Variants in TRIM36 observed in about 807,000 individuals in gnomAD.
TRIM36 encodes tripartite motif containing 36, also known as E3 ubiquitin-protein ligase TRIM36.
A neutral mutation model predicts 72.4 loss-of-function variants in TRIM36; 42 were observed. The observed-to-expected ratio is 0.58, with a 90% confidence interval of 0.45 to 0.75. TRIM36 has a LOEUF of 0.75. TRIM36 is among the 30% of genes least tolerant of loss of function. The pLI, the probability that TRIM36 is intolerant of heterozygous loss-of-function variation, is 0.00. For synonymous variants in TRIM36, 315 were observed against 282.8 expected (o/e 1.11, Z -1.14); for missense variants, 913 against 857.1 (o/e 1.07, Z -0.81).
At chr5:115,177,430 A>T in intron 1 of TRIM36, 1 of 883,534 alleles carries the variant, frequency 1.1e-6, no homozygotes, top group Non-Finnish European at 1.4e-6. Flanking sequence ...CTACTCTCTT[A>T]ACTCTCATAA....
At chr5:115,144,328 T>C (rs1404769998) in intron 4 of TRIM36, among the ~76,000 whole-genome samples, 2 of 152,192 alleles carry the variant, frequency 1.3e-5, no homozygotes, top group African/African-American at 4.8e-5. Context: ...CATTTGGGTA[T>C]CATGATGAAG....
At chr5:115,145,088 G>C (rs1282735412) in intron 3 of TRIM36, among the ~76,000 whole-genome samples, 1 of 152,116 alleles carries the variant, frequency 6.6e-6, no homozygotes, top group Non-Finnish European at 1.5e-5. Flanking sequence ...ACTTAACCAA[G>C]TTAGAAAGGC....
At chr5:115,127,491 G>A (rs940243654) in intron 9 of TRIM36, among the ~76,000 whole-genome samples, 1 of 152,342 alleles carries the variant, frequency 6.6e-6, no homozygotes, top group East Asian at 1.9e-4. Context: ...AACCCAGGAA[G>A]CAGAAGTTGC....
Position 115,163,616 on chromosome 5 carries a change from G to C in TRIM36, c.164C>G (p.Ser55Ter), listed in dbSNP as rs894385268. 1 of 1,614,048 alleles carries C rather than the reference G, an allele frequency of 6.2e-7. No individual in the cohort carries two copies. Among genetic ancestry groups the C allele is most frequent in the African/African-American group, 1.3e-5 (1 of 74,912 alleles). ...GTTGTCTGATCCCACATCGTTGAAT[G>C]AATCATCGAGAGTCAGCAGGAGTTC... is the stretch of plus-strand genomic sequence containing the variant. ...VKELLLTLDD[S>*]FNDVGSDNSN... is the part of the protein sequence containing the mutation. Residue 55 changes from serine (S) to a stop codon, truncating the protein, a stop_gained, in exon 2 of 10, where the codon TCA (serine) becomes TGA (stop). Coordinates refer to ENST00000513154, the MANE Select transcript of TRIM36 (RefSeq NM_001300759.2). LOFTEE classifies it high-confidence loss of function.
rs762451393 is a variant in TRIM36 at position 115,126,571 on chromosome 5, C to T, written c.2083G>A (p.Gly695Ser). ...TCTTCAAGCTGAATTCCTCCACTGC[C>T]CATTAATGCAAATGCTGGATACAGT... The part of the protein sequence containing the change: ...HTLYPAFALM[G>S]SGGIQLEEPI... Residue 695 changes from glycine to serine, a missense_variant, in exon 10 of 10, where the codon GGC (glycine) becomes AGC (serine). Coordinates refer to ENST00000513154, the MANE Select transcript of TRIM36 (RefSeq NM_001300759.2). 6.2e-7 allele frequency: 1 copy of T among 1,613,848 alleles called. No homozygotes were observed. Among genetic ancestry groups the T allele is most frequent in the East Asian group, 2.2e-5 (1 of 44,870 alleles).
intron 9 of TRIM36, among the ~76,000 whole-genome samples, chr5:115,130,272 A>T (rs1752604606): frequency 6.6e-6 from 1 of 152,246 alleles, no homozygotes; most frequent in Non-Finnish European, 1.5e-5. Flanking sequence ...TGACAATCAG[A>T]CGCATTGTAT....
chr5:115,128,425 G>T (rs970765250), intron 9 of TRIM36, among the ~76,000 whole-genome samples: 5 of 151,600 alleles, frequency 3.3e-5, no homozygotes, highest in Non-Finnish European at 5.9e-5. Flanking sequence ...TAAGCTAAGT[G>T]TTCCTACAAG....
chr5:115,131,347 C>A lies in TRIM36; in HGVS notation c.1499-458G>T, dbSNP rs950960943. Among the ~76,000 whole-genome samples the A allele has an allele frequency of 2.0e-5, 3 of 152,068 alleles. No homozygotes were observed. In the South Asian group the frequency reaches 6.2e-4, roughly 32 times the overall value. ...GCTTTTTCTGTATCAACCAACATGGCAGACATAAGAAACATGGGACACTGT... is the reference window on the plus strand; with the variant it reads ...GCTTTTTCTGTATCAACCAACATGGAAGACATAAGAAACATGGGACACTGT... On this transcript the variant is annotated intron_variant, in intron 8 of 9. Coordinates refer to ENST00000513154, the MANE Select transcript of TRIM36 (RefSeq NM_001300759.2).
intron 2 of TRIM36, among the ~76,000 whole-genome samples, chr5:115,157,087 G>A (rs2112883742): frequency 6.6e-6 from 1 of 152,048 alleles, no homozygotes; most frequent in East Asian, 1.9e-4. Flanking sequence ...ATATGATCAA[G>A]GAGATGCAAA....
chr5:115,177,431 A>G (rs1005957149), intron 1 of TRIM36: 14 of 890,386 alleles, frequency 1.6e-5, no homozygotes, highest in Non-Finnish European at 2.0e-5. Context: ...TACTCTCTTA[A>G]CTCTCATAAT....
At chr5:115,149,920 G>A (rs534630776) in intron 2 of TRIM36, among the ~76,000 whole-genome samples, 159 of 150,952 alleles carry the variant, frequency 1.1e-3, no homozygotes, top group Non-Finnish European at 1.9e-3. Context: ...CACCACGCCC[G>A]GCTAATTTTT....
At chr5:115,160,401 TCA>T (rs747408688) in intron 2 of TRIM36, among the ~76,000 whole-genome samples, 2 of 152,220 alleles carry the variant, frequency 1.3e-5, no homozygotes, top group Non-Finnish European at 2.9e-5. Context: ...AAAGATCATT[TCA>T]CAGTCTTTTT....
chr5:115,157,492 G>A (rs1422232478), intron 2 of TRIM36, among the ~76,000 whole-genome samples: 3 of 151,988 alleles, frequency 2.0e-5, no homozygotes, highest in Non-Finnish European at 4.4e-5. Flanking sequence ...TGAACCTGGT[G>A]GGCGGAGGTT....
chr5:115,141,324 C>G lies in TRIM36; in HGVS notation c.786G>C (p.Val262=), dbSNP rs776979305. ...IDYLIGKESQ[V]KSQISELNLL... ...AGTTTAGTTCAGATATTTGACTCTT[C>G]ACCTGGCTTTCCTTACCAATAAGGT... The change falls in exon 5 of 10, where the codon GTG becomes GTC. Residue 262 remains valine (V), a synonymous_variant. Transcript: ENST00000513154. 1.2e-6 allele frequency: 2 copies of G among 1,606,766 alleles called. No individual in the cohort carries two copies. The highest frequency in any genetic ancestry group is 2.2e-5 in the South Asian group (2 of 89,218).
chr5:115,140,474 T>A (rs1224628575), intron 5 of TRIM36, among the ~76,000 whole-genome samples: 1 of 152,168 alleles, frequency 6.6e-6, no homozygotes, highest in African/African-American at 2.4e-5. Context: ...GACTAATGAA[T>A]CTTTACCCAC....
intron 1 of TRIM36, among the ~76,000 whole-genome samples, chr5:115,175,173 A>C (rs1755278928): frequency 6.6e-6 from 1 of 151,672 alleles, no homozygotes; most frequent in Non-Finnish European, 1.5e-5. Context: ...AAAAGTATTT[A>C]TCTCAAATTC....
At chr5:115,151,613 C>A (rs1753900587) in intron 2 of TRIM36, among the ~76,000 whole-genome samples, 1 of 152,204 alleles carries the variant, frequency 6.6e-6, no homozygotes. Context: ...AGCTAAGAAG[C>A]CTCAAAGAGT....
chr5:115,151,433 C>A (rs1275057185), intron 2 of TRIM36, among the ~76,000 whole-genome samples: 1 of 152,110 alleles, frequency 6.6e-6, no homozygotes, highest in Non-Finnish European at 1.5e-5. Context: ...ACCCAGGGGT[C>A]TTTCCCTACC....
At chr5:115,164,685 C>T (rs1332794272) in intron 1 of TRIM36, among the ~76,000 whole-genome samples, 1 of 152,198 alleles carries the variant, frequency 6.6e-6, no homozygotes, top group African/African-American at 2.4e-5. Context: ...AGATTTGAAC[C>T]TAACCATATC....
Sources: allele counts gnomAD v4.1 joint callset (sites outside exome capture counted in the v4.1 genomes callset), GRCh38; gene constraint gnomAD v4.1.1; transcripts MANE v1.5; gene names NCBI Gene and HGNC (gene_info 2026-07-23, HGNC 2026-07-21).